UFD1: variants seen among roughly 807,000 people sequenced by gnomAD.
The protein encoded by UFD1 is ubiquitin recognition factor in ER-associated degradation protein 1.
In UFD1, 13 loss-of-function variants were observed where a neutral mutation model predicts 45.9. That is an observed-to-expected ratio of 0.28 (90% CI 0.18 to 0.45). The LOEUF (loss-of-function observed/expected upper bound fraction) is 0.45, where lower values mean the gene tolerates loss of function less well. UFD1 is among the 20% of genes least tolerant of loss of function. The probability of loss-of-function intolerance (pLI) is 1.00; values close to 1 mark genes in which losing one functional copy is unlikely to be tolerated. For missense variants in UFD1, 218 were observed against 389.2 expected, an observed-to-expected ratio of 0.56 and a Z score of 3.70; for synonymous variants, 128 against 139.2, an observed-to-expected ratio of 0.92 and a Z score of 0.56.
chr22:19,456,439 G>A (rs1047194274), intron 9 of UFD1, 148 bp downstream of exon 9: 2 of 1,025,878 alleles, frequency 1.9e-6, no homozygotes, highest in African/African-American at 3.2e-5. Flanking sequence ...TGGTAACTGA[G>A]CGAGTGGCAG....
chr22:19,468,054 A>G lies in UFD1; in HGVS notation c.292-51T>C, dbSNP rs767665584. 11 of 1,608,720 alleles carry G rather than the reference A, an allele frequency of 6.8e-6. No individual in the cohort carries two copies. In the Admixed American group the frequency reaches 1.9e-4, roughly 27 times the overall value. On this transcript the variant is annotated intron_variant, in intron 4 of 11. Transcript: ENST00000263202. ...GACTCCTAGAGATGAAGCAGCCTCC[A>G]CAACCACTGCTCCCTATACACTGGG...
chr22:19,476,944 T>C (rs2089886332), intron 1 of UFD1, among the ~76,000 whole-genome samples: 1 of 147,594 alleles, frequency 6.8e-6, no homozygotes, highest in South Asian at 2.1e-4. Flanking sequence ...GAGGTGGAAG[T>C]TGCAGTGAGC....
intron 4 of UFD1, among the ~76,000 whole-genome samples, chr22:19,469,675 A>T (rs2089829547): frequency 6.6e-6 from 1 of 152,178 alleles, no homozygotes; most frequent in Non-Finnish European, 1.5e-5. Context: ...CATGGGTGGG[A>T]TGGAGTCCAC....
At chr22:19,474,524 C>T (rs988545133) in intron 3 of UFD1, among the ~76,000 whole-genome samples, 5 of 151,742 alleles carry the variant, frequency 3.3e-5, no homozygotes, top group African/African-American at 7.3e-5. Context: ...CCAGCCTGGG[C>T]GCTAAGAGCA....
At chr22:19,478,178 A>G (rs971701142) in intron 1 of UFD1, among the ~76,000 whole-genome samples, 3 of 152,028 alleles carry the variant, frequency 2.0e-5, no homozygotes, top group African/African-American at 7.2e-5. Flanking sequence ...TCCCGATCCC[A>G]TCTCTCACTT....
intron 3 of UFD1, 89 bp from the exon 4 acceptor site, chr22:19,471,897 A>G: frequency 1.3e-6 from 2 of 1,527,768 alleles, no homozygotes; most frequent in Middle Eastern, 1.8e-4. Context: ...GCCTCCCCAC[A>G]ATCCTGCCCT....
intron 1 of UFD1, 83 bp downstream of exon 1, chr22:19,479,000 T>TCCCCC: frequency 1.4e-6 from 2 of 1,478,078 alleles, no homozygotes; most frequent in Non-Finnish European, 9.1e-7. Context: ...TCCGCCGCCG[T>TCCCCC]CCCGCCCCGC....
intron 6 of UFD1, among the ~76,000 whole-genome samples, chr22:19,464,370 C>G (rs1220623266): frequency 1.3e-5 from 2 of 152,248 alleles, no homozygotes; most frequent in East Asian, 1.9e-4. Flanking sequence ...GTGGGAGGGT[C>G]AATTGTCAAC....
chr22:19,473,713 C>T (rs535718835), intron 3 of UFD1, among the ~76,000 whole-genome samples: 1 of 152,300 alleles, frequency 6.6e-6, no homozygotes, highest in Non-Finnish European at 1.5e-5. Context: ...CTTAGGTTGT[C>T]ACAGACACTA....
intron 1 of UFD1, chr22:19,478,614 A>T (rs980734703): frequency 4.5e-6 from 1 of 222,054 alleles, no homozygotes; most frequent in Non-Finnish European, 8.8e-6. Flanking sequence ...ACACCGCTGT[A>T]CAGATTCGAA....
intron 3 of UFD1, among the ~76,000 whole-genome samples, chr22:19,472,869 A>G (rs1004331274): frequency 2.0e-4 from 31 of 152,260 alleles, no homozygotes; most frequent in Non-Finnish European, 8.8e-5. Flanking sequence ...CAGGGATTCA[A>G]CCATCAAAGC....
At chr22:19,478,973 C>G in intron 1 of UFD1, 110 bp downstream of exon 1, 1 of 1,445,282 alleles carries the variant, frequency 6.9e-7, no homozygotes, top group South Asian at 1.3e-5. Flanking sequence ...GGACTCAGGC[C>G]CGGGTGACTC....
intron 1 of UFD1, among the ~76,000 whole-genome samples, chr22:19,477,122 C>T (rs981284896): frequency 1.3e-5 from 2 of 151,576 alleles, no homozygotes; most frequent in Non-Finnish European, 2.9e-5. Flanking sequence ...AATGTGGTTT[C>T]TATTTTAATA....
chr22:19,456,151 T>C (rs1047478772), intron 9 of UFD1, among the ~76,000 whole-genome samples: 2 of 152,162 alleles, frequency 1.3e-5, no homozygotes, highest in African/African-American at 4.8e-5. Context: ...GCCACCTCAG[T>C]GCCCACACAT....
In UFD1 at chr22:19,475,588, C is replaced by T. The variant is rs375256324; in HGVS notation, c.18G>A (p.Met6Ile). MFSFN[M>I]FDHPIPRVFQ... is the part of the protein sequence containing the mutation. The stretch of plus-strand genomic sequence containing the variant: ...AGACCCTGGGAATAGGGTGGTCGAA[C>T]ATGTTGAAAGAGAACTAGAAGGAGG... Residue 6 changes from methionine to isoleucine, a missense_variant, in exon 2 of 12, where the codon ATG becomes ATA. This residue lies in a region of UFD1 where 149 missense variants were observed against 307.5 expected (regional missense o/e 0.48). Transcript: ENST00000263202. 3.7e-6 allele frequency: 6 copies of T among 1,613,914 alleles called. No homozygotes were observed. Among genetic ancestry groups the T allele is most frequent in the Non-Finnish European group, 5.1e-6 (6 of 1,179,980 alleles).
At chr22:19,455,789 TCA>T (rs770006500) in intron 9 of UFD1, 21 bp from the exon 10 acceptor site, 13 of 1,610,940 alleles carry the variant, frequency 8.1e-6, no homozygotes, top group Non-Finnish European at 1.1e-5. Flanking sequence ...AGTAGGTGAG[TCA>T]TATAATAAGC....
chr22:19,461,598 C>T (rs1027166931), intron 6 of UFD1, among the ~76,000 whole-genome samples: 9 of 152,212 alleles, frequency 5.9e-5, no homozygotes, highest in African/African-American at 2.2e-4. Context: ...GTTTACCTTT[C>T]TCCTATCCTT....
intron 1 of UFD1, chr22:19,478,808 C>T (rs1342432534): frequency 3.3e-5 from 17 of 509,016 alleles, no homozygotes; most frequent in Admixed American, 1.6e-4. Context: ...TTGGGAAACC[C>T]GTGAATGGAC....
At chr22:19,471,890 T>G in intron 3 of UFD1, 82 bp from the exon 4 acceptor site, 1 of 1,537,402 alleles carries the variant, frequency 6.5e-7, no homozygotes, top group Non-Finnish European at 8.8e-7. Context: ...AGAAGGAGCC[T>G]CCCCACAATC....
Sources: gnomAD v4.1 joint callset for allele counts (sites outside exome capture counted in the v4.1 genomes callset) on GRCh38, gnomAD v4.1.1 for gene constraint, gnomAD v4.1.1 regional missense constraint, MANE v1.5 for transcripts, NCBI Gene and HGNC (gene_info 2026-07-23, HGNC 2026-07-21) for gene names.